The following TRPC4AP variants were observed in gnomAD, a reference collection of about 807,000 sequenced individuals.
TRPC4AP encodes the protein short transient receptor potential channel 4-associated protein.
In TRPC4AP, 45 loss-of-function variants were observed where a neutral mutation model predicts 99.0. The ratio of observed to expected loss-of-function variants is 0.45; its 90% confidence interval spans 0.36 to 0.58. TRPC4AP has a LOEUF of 0.58. TRPC4AP is among the 20% of genes least tolerant of loss of function. The pLI is 0.00. For missense variants in TRPC4AP, 879 were observed against 985.3 expected (o/e 0.89, Z 1.44); for synonymous variants, 408 against 385.8 (o/e 1.06, Z -0.67).
chr20:35,052,087 G>GT (rs1321539020), intron 5 of TRPC4AP, among the ~76,000 whole-genome samples: 53 of 146,360 alleles, frequency 3.6e-4, no homozygotes, highest in African/African-American at 7.0e-4. Context: ...TTCATCATAG[G>GT]TTTTTTTTTG....
At chr20:35,046,364 C>T (rs2083562042) in intron 6 of TRPC4AP, among the ~76,000 whole-genome samples, 1 of 152,090 alleles carries the variant, frequency 6.6e-6, no homozygotes, top group Non-Finnish European at 1.5e-5. Context: ...TTGAACCATC[C>T]CCGTGCTACT....
chr20:35,063,594 C>T (rs995602572), intron 3 of TRPC4AP, among the ~76,000 whole-genome samples: 5 of 151,986 alleles, frequency 3.3e-5, no homozygotes, highest in African/African-American at 1.2e-4. Flanking sequence ...CAGGGTGGCT[C>T]GTGCCTATAA....
At chr20:35,041,777 G>C (rs2083450811) in intron 7 of TRPC4AP, among the ~76,000 whole-genome samples, 2 of 152,144 alleles carry the variant, frequency 1.3e-5, no homozygotes, top group South Asian at 4.1e-4. Flanking sequence ...TTAGTGCCTC[G>C]GCATACACAG....
intron 8 of TRPC4AP, among the ~76,000 whole-genome samples, chr20:35,024,205 C>T (rs986194140): frequency 6.6e-6 from 1 of 151,308 alleles, no homozygotes; most frequent in Non-Finnish European, 1.5e-5. Context: ...ACCATGGTAT[C>T]GTGATTTTTA....
At chr20:35,083,618 A>G (rs2084709976) in intron 1 of TRPC4AP, among the ~76,000 whole-genome samples, 1 of 151,908 alleles carries the variant, frequency 6.6e-6, no homozygotes, top group Non-Finnish European at 1.5e-5. Context: ...TCAAAAAAAA[A>G]AAAAATTACA....
chr20:35,035,315 G>A lies in TRPC4AP; in HGVS notation c.866-7C>T, dbSNP rs1490202764. 2 of 1,611,948 alleles carry A rather than the reference G, an allele frequency of 1.2e-6. No homozygotes were observed. The highest frequency in any genetic ancestry group is 2.2e-5 in the East Asian group (1 of 44,834). On this transcript the variant is annotated splice_region_variant and splice_polypyrimidine_tract_variant and intron_variant, in intron 7 of 18. Coordinates refer to ENST00000252015, the MANE Select transcript of TRPC4AP (RefSeq NM_015638.3). ...GGAATGCTGAGAAGGGCCGCTGCCA[G>A]GGAAAGAACAAGCGAGGAAATTTTC...
intron 2 of TRPC4AP, among the ~76,000 whole-genome samples, chr20:35,071,603 G>A (rs1260821259): frequency 6.6e-6 from 1 of 151,986 alleles, no homozygotes; most frequent in Non-Finnish European, 1.5e-5. Context: ...CCCTACAAAG[G>A]ACATGAACTC....
chr20:35,071,058 T>C (rs937414527), intron 2 of TRPC4AP, among the ~76,000 whole-genome samples: 15 of 152,200 alleles, frequency 9.9e-5, no homozygotes, highest in African/African-American at 3.6e-4. Context: ...AAAAGCATTT[T>C]TAAACAAGTT....
At chr20:35,004,870 C>T (rs1424917414) in intron 16 of TRPC4AP, among the ~76,000 whole-genome samples, 1 of 152,204 alleles carries the variant, frequency 6.6e-6, no homozygotes, top group Non-Finnish European at 1.5e-5. Context: ...ATATCACACA[C>T]AGAAGAGTTC....
intron 14 of TRPC4AP, among the ~76,000 whole-genome samples, 161 bp from the exon 15 acceptor site, chr20:35,006,736 G>A (rs954106198): frequency 2.0e-5 from 3 of 152,364 alleles, no homozygotes; most frequent in African/African-American, 7.2e-5. Flanking sequence ...TCCAAGGACA[G>A]GACCAGGCCT....
chr20:35,069,361 T>C lies in TRPC4AP; in HGVS notation c.349A>G (p.Arg117Gly), dbSNP rs764623876. 3.7e-6 allele frequency: 6 copies of C among 1,612,910 alleles called. No homozygotes were observed. The Admixed American group carries it at 1.0e-4, about 27-fold the overall frequency. Residue 117 changes from arginine to glycine, a missense_variant, in exon 3 of 19, where the codon AGG (arginine) becomes GGG (glycine). Arg to Gly is a moderately radical substitution (Grantham distance 125). Around this residue, in one of 3 missense-constraint regions of TRPC4AP, gnomAD observed 603 missense variants for 631.8 expected, o/e 0.95. Coordinates refer to ENST00000252015, the MANE Select transcript of TRPC4AP (RefSeq NM_015638.3). Reference sequence around the variant, plus strand: ...TAAGTGGTTTCTTGGGTAAGTTTCCTCTCTTCAGTAACAAATGCCATAGCC... The same window carrying C: ...TAAGTGGTTTCTTGGGTAAGTTTCCCCTCTTCAGTAACAAATGCCATAGCC... Reference protein sequence around the residue: ...MEAMAFVTEERKLTQETTYPN... With the variant: ...MEAMAFVTEEGKLTQETTYPN...
At chr20:35,059,710 TAAGAAGAAG>T (rs60932055) in intron 3 of TRPC4AP, among the ~76,000 whole-genome samples, 38 of 148,518 alleles carry the variant, frequency 2.6e-4, no homozygotes, top group Admixed American at 2.2e-3. Context: ...GAAGAAGAAA[TAAGAAGAAG>T]AAGAAGAGGA....
In TRPC4AP at chr20:35,003,238, G is replaced by A. The variant is rs1156834422; in HGVS notation, c.2302C>T (p.Leu768=). ...GGTGACTGCCGGTCCGGGTTCAACA[G>A]GATGGACACTGTCTCCTTCCAGTAT... ...FSYWKETVSI[L]LNPDRQSPSA... The change falls in exon 19 of 19, where the codon CTG becomes TTG. Residue 768 remains leucine (L), a synonymous_variant. Transcript: ENST00000252015. 8.7e-6 allele frequency: 14 copies of A among 1,614,098 alleles called. No individual in the cohort carries two copies. The highest frequency in any genetic ancestry group is 2.7e-5 in the African/African-American group (2 of 74,960).
At chr20:35,029,628 C>CTTTTTTTTTTT (rs35372826) in intron 8 of TRPC4AP, among the ~76,000 whole-genome samples, 14 of 39,394 alleles carry the variant, frequency 3.6e-4, no homozygotes, top group Admixed American at 1.4e-3. Context: ...AAGTTACTTT[C>CTTTTTTTTTTT]TTTTTTTTTT....
intron 9 of TRPC4AP, among the ~76,000 whole-genome samples, chr20:35,018,578 G>T (rs2082805434): frequency 7.3e-6 from 1 of 136,238 alleles, no homozygotes; most frequent in Non-Finnish European, 1.5e-5. Context: ...CAGCCTGGGT[G>T]GCAGAGCAAG....
At chr20:35,059,011 T>C (rs1302768209) in intron 3 of TRPC4AP, among the ~76,000 whole-genome samples, 1 of 152,094 alleles carries the variant, frequency 6.6e-6, no homozygotes, top group African/African-American at 2.4e-5. Flanking sequence ...TTCTAATCGA[T>C]AACCTAATCT....
At chr20:35,050,721 AAAC>A (rs781732878) in intron 5 of TRPC4AP, among the ~76,000 whole-genome samples, 2 of 150,520 alleles carry the variant, frequency 1.3e-5, no homozygotes, top group African/African-American at 2.4e-5. Context: ...TCAAAAAAAA[AAAC>A]AAAACAAAAA....
At chr20:35,080,013 TA>T (rs71196785) in intron 1 of TRPC4AP, among the ~76,000 whole-genome samples, 95 of 93,846 alleles carry the variant, frequency 1.0e-3, no homozygotes, top group Middle Eastern at 5.8e-3. Flanking sequence ...CAGAGCAAGA[TA>T]AAAAAAAAAA....
chr20:35,071,393 T>C (rs2084309852), intron 2 of TRPC4AP, among the ~76,000 whole-genome samples: 1 of 151,926 alleles, frequency 6.6e-6, no homozygotes, highest in African/African-American at 2.4e-5. Context: ...TAACTCGTCA[T>C]TTATATTAGG....
Sources: gnomAD v4.1 joint callset for allele counts (sites outside exome capture counted in the v4.1 genomes callset) on GRCh38, gnomAD v4.1.1 for gene constraint, gnomAD v4.1.1 regional missense constraint, MANE v1.5 for transcripts, NCBI Gene and HGNC (gene_info 2026-07-23, HGNC 2026-07-21) for gene names.